The following P4HA1 variants were observed in gnomAD, a reference collection of about 807,000 sequenced individuals.
P4HA1 encodes prolyl 4-hydroxylase subunit alpha-1.
Under a neutral mutation model 72.8 loss-of-function variants are expected in P4HA1, and 24 were observed. The observed-to-expected ratio is 0.33, with a 90% CI of 0.24 to 0.46. P4HA1 has a LOEUF of 0.46. Ranked by LOEUF, P4HA1 falls within the 20% of genes least tolerant of loss-of-function variation. The pLI is 1.00. For missense variants in P4HA1, 446 were observed against 640.6 expected (o/e 0.70, Z 3.28); for synonymous variants, 201 against 218.8 (o/e 0.92, Z 0.72).
At chr10:73,023,698 T>C (rs1473617663) in intron 10 of P4HA1, among the ~76,000 whole-genome samples, 1 of 151,316 alleles carries the variant, frequency 6.6e-6, no homozygotes, top group Non-Finnish European at 1.5e-5. Context: ...AGGCACAGAC[T>C]GGCAAATTGG....
At chr10:73,087,553 A>G (rs938479271) in intron 1 of P4HA1, among the ~76,000 whole-genome samples, 1 of 152,124 alleles carries the variant, frequency 6.6e-6, no homozygotes, top group African/African-American at 2.4e-5. Context: ...GGCATGACCC[A>G]CCATGCCTGG....
chr10:73,012,714 AT>A (rs1177627105), intron 12 of P4HA1, among the ~76,000 whole-genome samples: 1 of 152,224 alleles, frequency 6.6e-6, no homozygotes, highest in Non-Finnish European at 1.5e-5. Flanking sequence ...CAACAAAAAG[AT>A]GTAATTCAAA....
At chr10:73,061,816 C>T (rs1389032130) in intron 5 of P4HA1, among the ~76,000 whole-genome samples, 1 of 151,984 alleles carries the variant, frequency 6.6e-6, no homozygotes, top group Non-Finnish European at 1.5e-5. Flanking sequence ...GCCAGGAATT[C>T]AAGACCAGAC....
intron 7 of P4HA1, among the ~76,000 whole-genome samples, chr10:73,049,103 C>T (rs1308965501): frequency 2.0e-5 from 3 of 150,288 alleles, no homozygotes; most frequent in Non-Finnish European, 4.4e-5. Context: ...AGCAACAGAG[C>T]GAGACTCCGT....
chr10:73,033,378 G>A (rs990489766), intron 9 of P4HA1, among the ~76,000 whole-genome samples: 1 of 151,964 alleles, frequency 6.6e-6, no homozygotes, highest in Non-Finnish European at 1.5e-5. Context: ...TTTTCCTCTT[G>A]TACTTTGGTA....
At chr10:73,058,994 T>C (rs917239544) in intron 5 of P4HA1, among the ~76,000 whole-genome samples, 1 of 151,978 alleles carries the variant, frequency 6.6e-6, no homozygotes, top group African/African-American at 2.4e-5. Flanking sequence ...GCCAGGCTGG[T>C]CTCAAACTCC....
At chr10:73,021,288 C>G (rs997121411) in intron 10 of P4HA1, among the ~76,000 whole-genome samples, 5 of 152,062 alleles carry the variant, frequency 3.3e-5, no homozygotes, top group Non-Finnish European at 7.4e-5. Context: ...AATAGATCTA[C>G]CATATGATCC....
rs1348879140 is a variant in P4HA1 at position 73,016,904 on chromosome 10, A to T, written c.1249-5T>A. 6.2e-7 allele frequency: 1 copy of T among 1,609,002 alleles called. No homozygotes were observed. The highest frequency in any genetic ancestry group is 2.2e-5 in the East Asian group (1 of 44,796). ...TCCAACTCCATAATTTGCTACCTGAAGGAAAGACACAAAGCATGAAAGAAA... is the reference window on the plus strand; with the variant it reads ...TCCAACTCCATAATTTGCTACCTGATGGAAAGACACAAAGCATGAAAGAAA... On this transcript the variant is annotated splice_region_variant and splice_polypyrimidine_tract_variant and intron_variant, in intron 10 of 14. Coordinates refer to ENST00000394890, the MANE Select transcript of P4HA1 (RefSeq NM_001017962.3).
At chr10:73,029,246 T>C (rs577389088) in intron 10 of P4HA1, among the ~76,000 whole-genome samples, 78 of 151,730 alleles carry the variant, frequency 5.1e-4, no homozygotes, top group African/African-American at 1.8e-3. Context: ...ACCCCGTCTC[T>C]ACTAAAAATA....
At chr10:73,067,384 A>G (rs1323040393) in intron 5 of P4HA1, among the ~76,000 whole-genome samples, 1 of 152,198 alleles carries the variant, frequency 6.6e-6, no homozygotes, top group Non-Finnish European at 1.5e-5. Flanking sequence ...AAAAGGAAAA[A>G]TCATAAATTT....
At chr10:73,023,226 A>G (rs1370595594) in intron 10 of P4HA1, among the ~76,000 whole-genome samples, 1 of 152,178 alleles carries the variant, frequency 6.6e-6, no homozygotes, top group Non-Finnish European at 1.5e-5. Flanking sequence ...GAAGGAAAAA[A>G]TCTTAAGGGC....
chr10:73,066,349 A>T (rs1841422512), intron 5 of P4HA1, among the ~76,000 whole-genome samples: 1 of 152,224 alleles, frequency 6.6e-6, no homozygotes. Context: ...CCTGAGAAAG[A>T]ATGAATATTG....
intron 5 of P4HA1, chr10:73,065,425 C>G (rs1841397219): frequency 6.6e-6 from 1 of 152,062 alleles, no homozygotes; most frequent in Admixed American, 6.6e-5. Context: ...CCCAAAGAGG[C>G]AAAAGAAACA....
chr10:73,044,077 G>C, intron 9 of P4HA1: 1 of 564,716 alleles, frequency 1.8e-6, no homozygotes. Context: ...CTGGATGGTG[G>C]GTAATGGTCT....
chr10:73,054,699 C>A (rs1841097792), intron 5 of P4HA1, among the ~76,000 whole-genome samples: 1 of 152,222 alleles, frequency 6.6e-6, no homozygotes, highest in Admixed American at 6.5e-5. Context: ...GTGGCTACAT[C>A]ATTTTACATT....
rs370595212 is a variant in P4HA1, at chr10:73,029,852, G to C, written c.1248+419C>G. Reference sequence around the variant, plus strand: ...ATAAAAGTAACAGAAAAAGAGAAGTGATGAAAAAAGTCCTATGTTTCACTA... The same window carrying C: ...ATAAAAGTAACAGAAAAAGAGAAGTCATGAAAAAAGTCCTATGTTTCACTA... On this transcript the variant is annotated intron_variant, in intron 10 of 14. Transcript: ENST00000394890. Among the ~76,000 whole-genome samples, 6 of 151,648 alleles carry C rather than the reference G, an allele frequency of 4.0e-5. No homozygotes were observed. The East Asian group carries it at 9.7e-4, about 24-fold the overall frequency.
In P4HA1 at chr10:73,073,836, G is replaced by T; in HGVS notation, c.77-9C>A. 3 of 1,338,170 alleles carry T rather than the reference G, an allele frequency of 2.2e-6. No individual in the cohort carries two copies. Among genetic ancestry groups the T allele is most frequent in the South Asian group, 2.3e-5 (2 of 85,388 alleles). The allele number at this position is 1,338,170 out of a possible 1,614,324, so 82.9% of individuals were successfully genotyped here. On this transcript the variant is annotated splice_polypyrimidine_tract_variant and intron_variant, in intron 2 of 14. Transcript: ENST00000394890. ...CAAATCAGTCATCTGACCTAGAAGGGGAAGAAGGTTATCAAATACTCATAT... is the reference window on the plus strand; with the variant it reads ...CAAATCAGTCATCTGACCTAGAAGGTGAAGAAGGTTATCAAATACTCATAT...
At chr10:73,065,965 G>A (rs1048413208) in intron 5 of P4HA1, among the ~76,000 whole-genome samples, 2 of 152,206 alleles carry the variant, frequency 1.3e-5, no homozygotes, top group East Asian at 1.9e-4. Flanking sequence ...GATACATAGA[G>A]TATGATGTAC....
At chr10:73,035,626 A>C (rs1840551752) in intron 9 of P4HA1, among the ~76,000 whole-genome samples, 1 of 152,264 alleles carries the variant, frequency 6.6e-6, no homozygotes, top group South Asian at 2.1e-4. Context: ...TTTCTCTGTT[A>C]TAAACAATAT....
Sources: allele counts gnomAD v4.1 joint callset (sites outside exome capture counted in the v4.1 genomes callset), GRCh38; gene constraint gnomAD v4.1.1; transcripts MANE v1.5; gene names NCBI Gene and HGNC (gene_info 2026-07-23, HGNC 2026-07-21).